AIG1: variants seen among roughly 807,000 people sequenced by gnomAD.
AIG1 encodes the protein androgen-induced gene 1 protein.
AIG1 carries 23 observed loss-of-function variants against 31.4 expected under a neutral mutation model. The ratio of observed to expected loss-of-function variants is 0.73; its 90% CI spans 0.53 to 1.04. The LOEUF (loss-of-function observed/expected upper bound fraction) is 1.04, where lower values mean the gene tolerates loss of function less well. AIG1 is among the 50% of genes least tolerant of loss of function. AIG1 has a pLI of 0.00. For synonymous variants in AIG1, 100 were observed against 110.5 expected, an observed-to-expected ratio of 0.90 and a Z score of 0.60; for missense variants, 274 against 295.0, an observed-to-expected ratio of 0.93 and a Z score of 0.52.
rs184536440 is a variant in AIG1, at chr6:143,195,550, C to T, written c.399+30367C>T. On this transcript the variant is annotated intron_variant, in intron 3 of 5. Coordinates refer to ENST00000357847, the MANE Select transcript of AIG1 (RefSeq NM_016108.4). ...TTCCTTCTCCAGGGCTGCGGGGAAA[C>T]GTTGACAAGCACAGGCTGGATTTAG... 3.9e-5 allele frequency among the ~76,000 whole-genome samples: 6 copies of T among 152,194 alleles called. 1 individual carries two copies. The highest frequency in any genetic ancestry group is 9.6e-5 in the African/African-American group (4 of 41,514).
chr6:143,112,520 GA>G (rs2128491688), intron 1 of AIG1, among the ~76,000 whole-genome samples: 1 of 152,256 alleles, frequency 6.6e-6, no homozygotes, highest in Non-Finnish European at 1.5e-5. Context: ...AGATGAATAA[GA>G]CATTATCCCT....
chr6:143,178,118 C>T (rs1416256489), intron 3 of AIG1, among the ~76,000 whole-genome samples: 1 of 152,150 alleles, frequency 6.6e-6, no homozygotes, highest in Admixed American at 6.5e-5. Context: ...GCATTGCCTC[C>T]CTCTTTTCCG....
chr6:143,193,834 T>C (rs2128599855), intron 3 of AIG1, among the ~76,000 whole-genome samples: 1 of 152,308 alleles, frequency 6.6e-6, no homozygotes, highest in East Asian at 1.9e-4. Flanking sequence ...CACAACCTGA[T>C]TATTATCCCA....
At chr6:143,196,350 A>AACAC (rs71784011) in intron 3 of AIG1, among the ~76,000 whole-genome samples, 5,933 of 141,624 alleles carry the variant, frequency 0.042, 137 homozygotes, top group Admixed American at 0.062. Flanking sequence ...CAACAAAAGC[A>AACAC]ACACACACAC....
intron 3 of AIG1, among the ~76,000 whole-genome samples, chr6:143,211,218 G>A (rs1356096367): frequency 6.6e-6 from 1 of 152,144 alleles, no homozygotes; most frequent in Non-Finnish European, 1.5e-5. Flanking sequence ...TTTGACTCAA[G>A]AGTTTACTCT....
chr6:143,127,598 G>A (rs976476075), intron 1 of AIG1, among the ~76,000 whole-genome samples: 3 of 151,856 alleles, frequency 2.0e-5, no homozygotes, highest in Admixed American at 2.0e-4. Context: ...ATTAATTCTT[G>A]TGTTTTGCCT....
chr6:143,284,764 C>T lies in AIG1; in HGVS notation c.515+539C>T, dbSNP rs528467173. On this transcript the variant is annotated intron_variant, in intron 4 of 5. Transcript: ENST00000357847. This position sits in a 1 kb window ranked among gnomAD's most constrained non-coding sequence, Gnocchi z 4.4. ...TTGGGATAAATAAACCACAAGAAAT[C>T]TTCATTTGATCTATTGTGCACAATT... 5.3e-5 allele frequency among the ~76,000 whole-genome samples: 8 copies of T among 152,172 alleles called. No individual in the cohort carries two copies. The highest frequency in any genetic ancestry group is 1.0e-4 in the Non-Finnish European group (7 of 68,020).
At chr6:143,217,560 G>T (rs760036106) in intron 3 of AIG1, among the ~76,000 whole-genome samples, 2 of 152,132 alleles carry the variant, frequency 1.3e-5, no homozygotes, top group Non-Finnish European at 2.9e-5. Context: ...CCAGGCTGGA[G>T]TGGAGTGGTG....
intron 3 of AIG1, among the ~76,000 whole-genome samples, chr6:143,244,546 T>C (rs1050709833): frequency 6.6e-6 from 1 of 152,200 alleles, no homozygotes; most frequent in Non-Finnish European, 1.5e-5. Context: ...CACATGGGTA[T>C]GGGCTTTAAT....
chr6:143,300,109 A>T (rs1434087053), intron 4 of AIG1, among the ~76,000 whole-genome samples: 1 of 152,212 alleles, frequency 6.6e-6, no homozygotes, highest in Non-Finnish European at 1.5e-5. Flanking sequence ...GGAATAAATC[A>T]GTGAATGAGT....
At chr6:143,197,692 G>A (rs1047009952) in intron 3 of AIG1, among the ~76,000 whole-genome samples, 1 of 152,192 alleles carries the variant, frequency 6.6e-6, no homozygotes, top group African/African-American at 2.4e-5. Context: ...TTTCCAGGTT[G>A]GTTGGTAAGT....
At chr6:143,179,005 C>T (rs1018226028) in intron 3 of AIG1, among the ~76,000 whole-genome samples, 2 of 152,094 alleles carry the variant, frequency 1.3e-5, no homozygotes, top group Non-Finnish European at 2.9e-5. Context: ...GGAGTGGGCT[C>T]AACCAGGTAG....
At chr6:143,343,126 A>C, downstream of AIG1, 3 of 762,390 alleles carry the variant, frequency 3.9e-6, no homozygotes, top group Non-Finnish European at 7.4e-6. Context: ...CCCAGAAGGG[A>C]GGCTTGCCAT....
At chr6:143,313,430 G>C (rs536522470) in intron 4 of AIG1, among the ~76,000 whole-genome samples, 1 of 152,126 alleles carries the variant, frequency 6.6e-6, no homozygotes, top group Non-Finnish European at 1.5e-5. Context: ...AGGTCATTAC[G>C]TTAAGTGAAA....
intron 1 of AIG1, among the ~76,000 whole-genome samples, chr6:143,079,139 A>G (rs1418045823): frequency 1.3e-5 from 2 of 152,070 alleles, no homozygotes; most frequent in Non-Finnish European, 2.9e-5. Context: ...TCTCTCCACT[A>G]TTTACACAGC....
At position 143,294,317 on chromosome 6, in the gene AIG1, C is replaced by A. The variant is rs79565142; in HGVS notation, c.515+10092C>A. ...AGCTGCTTCCCTATTTCCCTACTCA[C>A]AGCTGAGTGCCTTCAAAGAGTTGTC... On this transcript the variant is annotated intron_variant, in intron 4 of 5. Transcript: ENST00000357847. 8.5e-5 allele frequency among the ~76,000 whole-genome samples: 13 copies of A among 152,314 alleles called. No individual in the cohort carries two copies. The East Asian group carries it at 2.5e-3, about 29-fold the overall frequency.
intron 4 of AIG1, among the ~76,000 whole-genome samples, chr6:143,313,725 T>A (rs1307404236): frequency 1.3e-5 from 2 of 152,088 alleles, no homozygotes; most frequent in Admixed American, 1.3e-4. Context: ...AAATGATAAA[T>A]GCTTGAGGTG....
intron 2 of AIG1, among the ~76,000 whole-genome samples, chr6:143,137,502 G>A (rs1225483061): frequency 1.3e-5 from 2 of 152,160 alleles, no homozygotes; most frequent in African/African-American, 4.8e-5. Flanking sequence ...AACTTGAAAG[G>A]TAGGGTCCTT....
chr6:143,333,308 G>A lies in AIG1; in HGVS notation c.542G>A (p.Gly181Asp). 1.2e-6 allele frequency: 2 copies of A among 1,613,018 alleles called. No homozygotes were observed. The highest frequency in any genetic ancestry group is 1.7e-6 in the Non-Finnish European group (2 of 1,179,574). The change falls in exon 5 of 6, where the codon GGC becomes GAC. Residue 181 changes from glycine to aspartate, a missense_variant. By Grantham distance (94) the Gly-to-Asp change is moderately conservative. Around this residue, in one of 2 missense-constraint regions of AIG1, gnomAD observed 243 missense variants for 238.5 expected, o/e 1.02. Coordinates refer to ENST00000357847, the MANE Select transcript of AIG1 (RefSeq NM_016108.4). This position sits in a 1 kb window ranked among gnomAD's most constrained non-coding sequence, Gnocchi z 4.6. Reference protein sequence around the residue: ...LWVCWVHHVTGMWVYPFLEHI... With the variant: ...LWVCWVHHVTDMWVYPFLEHI... Reference sequence around the variant, plus strand: ...GTGTGCTGGGTGCATCATGTAACTGGCATGTGGGTGTACCCTTTCCTGGAA... The same window carrying A: ...GTGTGCTGGGTGCATCATGTAACTGACATGTGGGTGTACCCTTTCCTGGAA...
Sources: gnomAD v4.1 joint callset for allele counts (sites outside exome capture counted in the v4.1 genomes callset) on GRCh38, gnomAD v4.1.1 for gene constraint, gnomAD v4.1.1 regional missense constraint, Gnocchi (gnomAD v3.1) non-coding constraint, MANE v1.5 for transcripts, NCBI Gene and HGNC (gene_info 2026-07-23, HGNC 2026-07-21) for gene names.